The following RASSF3 variants were observed in gnomAD, a reference collection of about 807,000 sequenced individuals.
RASSF3 encodes Ras association domain family member 3, also known as ras association domain-containing protein 3.
In RASSF3, 19 loss-of-function variants were observed where a neutral mutation model predicts 19.9. The ratio of observed to expected loss-of-function variants is 0.96; its 90% CI spans 0.67 to 1.40. The LOEUF is 1.40. RASSF3 is among the 40% of genes most tolerant of loss of function. The probability of loss-of-function intolerance (pLI) is 0.00; values close to 1 mark genes in which losing one functional copy is unlikely to be tolerated. For missense variants in RASSF3, 306 were observed against 289.8 expected (o/e 1.06, Z -0.41); for synonymous variants, 110 against 104.2 (o/e 1.06, Z -0.34).
intron 2 of RASSF3, chr12:64,599,110 A>G (rs904588116): frequency 1.3e-5 from 2 of 152,194 alleles, no homozygotes; most frequent in Non-Finnish European, 2.9e-5. Flanking sequence ...TTCCCAGTTT[A>G]CAAAATGCAC....
At chr12:64,521,568 G>A (rs751409084) in intron 1 of RASSF3, among the ~76,000 whole-genome samples, 1 of 152,154 alleles carries the variant, frequency 6.6e-6, no homozygotes, top group Non-Finnish European at 1.5e-5. Context: ...AATGACACGT[G>A]GATTGTATCA....
At chr12:64,684,988 C>A in intron 2 of RASSF3, 94 bp downstream of exon 2, 2 of 753,536 alleles carry the variant, frequency 2.7e-6, no homozygotes, top group Non-Finnish European at 4.6e-6. Flanking sequence ...ATCTGAATAG[C>A]ATTTGTAGAA....
chr12:64,618,902 G>A (rs942946742), intron 1 of RASSF3, among the ~76,000 whole-genome samples: 1 of 151,700 alleles, frequency 6.6e-6, no homozygotes, highest in Non-Finnish European at 1.5e-5. Context: ...GATTAGAAAT[G>A]TACCCTAAAA....
intron 1 of RASSF3, among the ~76,000 whole-genome samples, chr12:64,679,268 C>T (rs1873027659): frequency 6.6e-6 from 1 of 152,168 alleles, no homozygotes; most frequent in Non-Finnish European, 1.5e-5. Flanking sequence ...ACCATGTTGG[C>T]CAGGTTGGTC....
At chr12:64,548,169 T>A (rs920611985) in intron 2 of RASSF3, among the ~76,000 whole-genome samples, 3 of 152,094 alleles carry the variant, frequency 2.0e-5, no homozygotes, top group Admixed American at 2.0e-4. Context: ...TCTTTTTAAA[T>A]TTTTTATTGT....
At chr12:64,534,290 G>A (rs573661562) in intron 1 of RASSF3, among the ~76,000 whole-genome samples, 2 of 152,026 alleles carry the variant, frequency 1.3e-5, no homozygotes, top group East Asian at 3.9e-4. Context: ...GACAGCCTGG[G>A]CAACATAGGG....
chr12:64,539,866 T>C (rs1437483199), intron 1 of RASSF3, among the ~76,000 whole-genome samples: 2 of 152,200 alleles, frequency 1.3e-5, no homozygotes, highest in African/African-American at 4.8e-5. Context: ...GATAGACCAA[T>C]AATAAACTTA....
At chr12:64,548,185 A>T (rs1869101503) in intron 2 of RASSF3, among the ~76,000 whole-genome samples, 1 of 151,614 alleles carries the variant, frequency 6.6e-6, no homozygotes, top group South Asian at 2.1e-4. Context: ...ATTGTATTTT[A>T]TTTATTTATT....
chr12:64,587,551 G>A (rs997538700), intron 2 of RASSF3, among the ~76,000 whole-genome samples: 6 of 152,166 alleles, frequency 3.9e-5, no homozygotes, highest in Admixed American at 1.3e-4. Context: ...TAATTTAAAA[G>A]ACCTTGGTTT....
upstream of RASSF3, among the ~76,000 whole-genome samples, chr12:64,606,671 C>T (rs1460443322): frequency 1.3e-5 from 2 of 152,054 alleles, no homozygotes; most frequent in East Asian, 1.9e-4. Context: ...AAAAATTGGC[C>T]GGGTGAGGCG....
intron 1 of RASSF3, among the ~76,000 whole-genome samples, chr12:64,518,613 C>A (rs970494197): frequency 2.0e-5 from 3 of 152,216 alleles, no homozygotes; most frequent in Non-Finnish European, 2.9e-5. Flanking sequence ...GACAAACATG[C>A]AAGCCATATT....
At chr12:64,676,914 G>A (rs1259503860) in intron 1 of RASSF3, among the ~76,000 whole-genome samples, 3 of 151,918 alleles carry the variant, frequency 2.0e-5, no homozygotes, top group African/African-American at 7.3e-5. Context: ...GACTACAAGC[G>A]CACACCACGA....
intron 1 of RASSF3, among the ~76,000 whole-genome samples, chr12:64,627,208 C>T (rs1442141068): frequency 1.3e-5 from 2 of 152,200 alleles, no homozygotes; most frequent in South Asian, 2.1e-4. Flanking sequence ...GACACATTCT[C>T]AGTCGACTGT....
chr12:64,606,222 C>A (rs1412108884), upstream of RASSF3, among the ~76,000 whole-genome samples: 2 of 152,162 alleles, frequency 1.3e-5, no homozygotes, highest in African/African-American at 4.8e-5. Context: ...CAATCCCTGG[C>A]AAGGGGAATG....
chr12:64,684,274 TAG>T (rs1166663927), intron 1 of RASSF3, among the ~76,000 whole-genome samples: 28 of 151,022 alleles, frequency 1.9e-4, no homozygotes, highest in African/African-American at 6.6e-4. Context: ...TTTGTAGAGA[TAG>T]AGTTTCCTCA....
At chr12:64,631,536 AAT>A (rs1871164833) in intron 1 of RASSF3, among the ~76,000 whole-genome samples, 1 of 146,452 alleles carries the variant, frequency 6.8e-6, no homozygotes, top group African/African-American at 2.5e-5. Context: ...CATCGTATGT[AAT>A]GTATGTATGT....
At chr12:64,675,760 C>T (rs535936094) in intron 1 of RASSF3, among the ~76,000 whole-genome samples, 1 of 152,208 alleles carries the variant, frequency 6.6e-6, no homozygotes, top group African/African-American at 2.4e-5. Flanking sequence ...TTAAGTCCCT[C>T]TCTAACCTTT....
intron 2 of RASSF3, among the ~76,000 whole-genome samples, chr12:64,589,872 C>T (rs887837558): frequency 2.0e-5 from 3 of 151,628 alleles, no homozygotes; most frequent in African/African-American, 7.3e-5. Flanking sequence ...CATGGTGGCA[C>T]GTGCCTGTAA....
intron 1 of RASSF3, among the ~76,000 whole-genome samples, chr12:64,512,448 G>GA (rs201153894): frequency 2.3e-4 from 35 of 149,938 alleles, no homozygotes; most frequent in African/African-American, 4.7e-4. Context: ...CCCCATCTCT[G>GA]AAAAAAAAAG....
Sources: gnomAD v4.1 joint callset for allele counts (sites outside exome capture counted in the v4.1 genomes callset) on GRCh38, gnomAD v4.1.1 for gene constraint, MANE v1.5 for transcripts, NCBI Gene and HGNC (gene_info 2026-07-23, HGNC 2026-07-21) for gene names.